Variants in CEP131 observed in about 807,000 individuals in gnomAD.
CEP131 encodes centrosomal protein 131.
Under a neutral mutation model 136.8 loss-of-function variants are expected in CEP131, and 99 were observed. That is an observed-to-expected ratio of 0.72 (90% CI 0.62 to 0.86). The LOEUF is 0.86. Ranked by LOEUF, CEP131 falls within the 40% of genes least tolerant of loss-of-function variation. The pLI, the probability that CEP131 is intolerant of heterozygous loss-of-function variation, is 0.00. For missense variants in CEP131, 1,459 were observed against 1,463.0 expected, an observed-to-expected ratio of 1.00 and a Z score of 0.04; for synonymous variants, 646 against 612.7, an observed-to-expected ratio of 1.05 and a Z score of -0.80.
chr17:81,190,834 G>A (rs1243104759), intron 23 of CEP131, 32 bp from the exon 24 acceptor site: 1 of 1,590,850 alleles, frequency 6.3e-7, no homozygotes, highest in Non-Finnish European at 8.6e-7. Flanking sequence ...TGAGCCGGCT[G>A]CCAGCGACTG....
At position 81,195,898 on chromosome 17, in the gene CEP131, C is replaced by G. The variant is rs1409866609; in HGVS notation, c.1953G>C (p.Glu651Asp). Reference protein sequence around the residue: ...LSEKCEAVVAELKQEDQRCTE... With the variant: ...LSEKCEAVVADLKQEDQRCTE... ...TGCATCTCTGGTCCTCCTGCTTCAG[C>G]TCGGCCACCACAGCCTCGCACTTTT... is the stretch of plus-strand genomic sequence containing the variant. The change falls in exon 16 of 26, where the codon GAG (glutamate) becomes GAC (aspartate). Residue 651 changes from glutamate to aspartate, a missense_variant. Around this residue, in one of 3 missense-constraint regions of CEP131, gnomAD observed 1,026 missense variants for 964.2 expected, o/e 1.06. Coordinates refer to ENST00000450824, the MANE Select transcript of CEP131 (RefSeq NM_014984.4). The G allele has an allele frequency of 1.2e-6, 2 of 1,609,920 alleles. No individual in the cohort carries two copies. The highest frequency in any genetic ancestry group is 1.7e-6 in the Non-Finnish European group (2 of 1,179,946).
intron 17 of CEP131, among the ~76,000 whole-genome samples, chr17:81,194,603 G>T (rs560863423): frequency 6.6e-6 from 1 of 152,340 alleles, no homozygotes; most frequent in South Asian, 2.1e-4. Flanking sequence ...CAACCCTGAG[G>T]AAGTGAGGCA....
At chr17:81,202,167 C>CG in intron 7 of CEP131, 73 bp downstream of exon 7, 1 of 575,080 alleles carries the variant, frequency 1.7e-6, no homozygotes, top group Non-Finnish European at 2.7e-6. Flanking sequence ...GGTGTGAGCC[C>CG]CCCAGACCCT....
rs2061725345 is a variant in CEP131, at chr17:81,195,060, C to T, written c.2017-88G>A. ...GTGGGCACAGTCAGGGCCGGGCTTC[C>T]AGGTCCACCAGCACAAGGCCGGCAC... is the stretch of plus-strand genomic sequence containing the variant. On this transcript the variant is annotated intron_variant, in intron 16 of 25. Transcript: ENST00000450824. The T allele has an allele frequency of 7.3e-6, 7 of 956,632 alleles. No individual in the cohort carries two copies. In the East Asian group the frequency reaches 1.7e-4, roughly 23 times the overall value. 59.3% of individuals were successfully genotyped at this position (956,632 alleles called of 1,614,324 possible). A position where few individuals can be genotyped will look rare whatever the true frequency, so the allele number is the denominator to read the frequency against.
At chr17:81,210,396 C>T (rs1197799804) in intron 2 of CEP131, among the ~76,000 whole-genome samples, 2 of 152,098 alleles carry the variant, frequency 1.3e-5, no homozygotes, top group African/African-American at 4.8e-5. Context: ...ATGGTGAAAC[C>T]CCGTCTCTAC....
In CEP131 at chr17:81,189,787, G is replaced by T; in HGVS notation, c.3225C>A (p.Pro1075=). 1 of 1,607,020 alleles carries T rather than the reference G, an allele frequency of 6.2e-7. No homozygotes were observed. The highest frequency in any genetic ancestry group is 1.1e-5 in the South Asian group (1 of 90,592). Residue 1075 remains proline, a synonymous_variant, in exon 26 of 26, where the codon CCC becomes CCA. Coordinates refer to ENST00000450824, the MANE Select transcript of CEP131 (RefSeq NM_014984.4). ...TCCCTGGTCACTTGGTACTTGGCGT[G>T]GGCCTCCTGTGCTGCTCCAGCAGCT... ...LEELLEQHRR[P]TPSTK
chr17:81,221,527 G>A (rs962305598), intron 1 of CEP131, among the ~76,000 whole-genome samples: 3 of 152,132 alleles, frequency 2.0e-5, no homozygotes, highest in African/African-American at 7.2e-5. Flanking sequence ...CTCCCCTGCT[G>A]TGCCCCTTTG....
At chr17:81,197,930 C>A in intron 12 of CEP131, 42 bp from the exon 13 acceptor site, 1 of 1,589,796 alleles carries the variant, frequency 6.3e-7, no homozygotes, top group South Asian at 1.1e-5. Context: ...TCAGGGCAGC[C>A]TGAGGACTTG....
At position 81,196,778 on chromosome 17, in the gene CEP131, C is replaced by T. The variant is rs4613097; in HGVS notation, c.1822G>A (p.Ala608Thr). ...TGCCGCTGCAGCTGCCGGCTCAGCG[C>T]CTTCTCTGTCTCCTTGACCCGCCGG... The part of the protein sequence containing the change: ...TARRVKETEK[A>T]LSRQLQRQRE... Residue 608 changes from alanine (A) to threonine (T), a missense_variant, in exon 15 of 26, where the codon GCG (alanine) becomes ACG (threonine). This residue lies in a region of CEP131 where 1,026 missense variants were observed against 964.2 expected (regional missense o/e 1.06). Coordinates refer to ENST00000450824, the MANE Select transcript of CEP131 (RefSeq NM_014984.4). 93,849 of 1,587,566 alleles carry T rather than the reference C, an allele frequency of 0.059. 3,528 individuals are homozygous for T. Among genetic ancestry groups the T allele is most frequent in the African/African-American group, 0.14 (10,651 of 74,714 alleles).
In CEP131 at chr17:81,219,037, G is replaced by A. The variant is rs1184802599; in HGVS notation, c.177+843C>T. Among the ~76,000 whole-genome samples, 2 of 152,166 alleles carry A rather than the reference G, an allele frequency of 1.3e-5. No individual in the cohort carries two copies. The highest frequency in any genetic ancestry group is 2.9e-5 in the Non-Finnish European group (2 of 68,016). On this transcript the variant is annotated intron_variant, in intron 2 of 25. Coordinates refer to ENST00000450824, the MANE Select transcript of CEP131 (RefSeq NM_014984.4). The surrounding 1 kb of genome is among the most constrained non-coding windows in gnomAD (Gnocchi z 4.0). ...GGCTCTGCCCCAACCCCCACAGAGC[G>A]GCTCGATTCCTCCCTTGCCCCAAAG...
At chr17:81,206,015 C>A (rs2062001854) in intron 5 of CEP131, among the ~76,000 whole-genome samples, 1 of 152,148 alleles carries the variant, frequency 6.6e-6, no homozygotes, top group South Asian at 2.1e-4. Flanking sequence ...ACCATCCCGG[C>A]CAACATGGTG....
Position 81,199,838 on chromosome 17 carries a change from G to T in CEP131, c.907-3C>A. The T allele has an allele frequency of 6.2e-7, 1 of 1,610,196 alleles. No individual in the cohort carries two copies. The highest frequency in any genetic ancestry group is 8.5e-7 in the Non-Finnish European group (1 of 1,179,824). On this transcript the variant is annotated splice_polypyrimidine_tract_variant and splice_region_variant and intron_variant, in intron 8 of 25. Coordinates refer to ENST00000450824, the MANE Select transcript of CEP131 (RefSeq NM_014984.4). The stretch of plus-strand genomic sequence containing the variant: ...TCGCCTGACCGCTGCCGCTGCTCCT[G>T]CCAAAGAAGCCGGTGCCATGTGGCG...
In CEP131 at chr17:81,208,491, C is replaced by T. The variant is rs76036702; in HGVS notation, c.272+437G>A. Among the ~76,000 whole-genome samples, 5,297 of 152,256 alleles carry T rather than the reference C, an allele frequency of 0.035. 126 individuals carry two copies. The highest frequency in any genetic ancestry group is 0.068 in the African/African-American group (2,844 of 41,540). ...CCATTGAGGCAGCTCCTCCCCAGCC[C>T]GCTGGTTTGGAGGCCGCAAGGGACA... On this transcript the variant is annotated intron_variant, in intron 3 of 25. Transcript: ENST00000450824. The surrounding 1 kb of genome is among the most constrained non-coding windows in gnomAD (Gnocchi z 5.6).
Position 81,219,293 on chromosome 17 carries a change from TTTC to T in CEP131, c.177+584_177+586del, listed in dbSNP as rs2062330211. On this transcript the variant is annotated intron_variant, in intron 2 of 25. Transcript: ENST00000450824. The surrounding 1 kb of genome is among the most constrained non-coding windows in gnomAD (Gnocchi z 4.0). ...CCTCCCCACAGGTCAACCCCATTTC[TTTC>T]TTTTTTTTTTTTTTTTGAGATGGCA... 2.0e-5 allele frequency among the ~76,000 whole-genome samples: 1 copy of T among 49,424 alleles called. No individual in the cohort carries two copies. Among genetic ancestry groups the T allele is most frequent in the African/African-American group, 5.9e-5 (1 of 16,836 alleles). The allele number at this position is 49,424 out of a possible 152,430, so 32.4% of individuals were successfully genotyped here. A position where few individuals can be genotyped will look rare whatever the true frequency, so the allele number is the denominator to read the frequency against.
In CEP131 at chr17:81,195,005, C is replaced by T. The variant is rs780588009; in HGVS notation, c.2017-33G>A. On this transcript the variant is annotated intron_variant, in intron 16 of 25. Coordinates refer to ENST00000450824, the MANE Select transcript of CEP131 (RefSeq NM_014984.4). ...CAGAACAGGGCAGGAGGAAACGACA[C>T]GAAGGACACCCCCGTCCCTTTGCCA... 27 of 1,548,444 alleles carry T rather than the reference C, an allele frequency of 1.7e-5. No individual in the cohort carries two copies. The Middle Eastern group carries it at 5.1e-4, about 29-fold the overall frequency.
chr17:81,222,627 A>G, intron 1 of CEP131, 142 bp downstream of exon 1: 1 of 150,078 alleles, frequency 6.7e-6, no homozygotes, highest in Non-Finnish European at 1.5e-5. Context: ...TTGCGCGGGC[A>G]CCAGATCCCC....
In CEP131 at chr17:81,215,423, A is replaced by AT. The variant is rs1031714507; in HGVS notation, c.177+4456dup. Among the ~76,000 whole-genome samples, 4 of 151,264 alleles carry AT rather than the reference A, an allele frequency of 2.6e-5. No homozygotes were observed. Among genetic ancestry groups the AT allele is most frequent in the Non-Finnish European group, 4.4e-5 (3 of 67,800 alleles). On this transcript the variant is annotated intron_variant, in intron 2 of 25. Transcript: ENST00000450824. This position sits in a 1 kb window ranked among gnomAD's most constrained non-coding sequence, Gnocchi z 4.1. ...CCTTTCAAATTTTTTTATTTATTTA[A>AT]TTTTTTTTGAAATGGAGTCTCGCTG...
chr17:81,218,031 C>A (rs114122352), intron 2 of CEP131, among the ~76,000 whole-genome samples: 1 of 151,596 alleles, frequency 6.6e-6, no homozygotes, highest in East Asian at 1.9e-4. Context: ...CCCCCTCCCC[C>A]TCCCTCTTTC....
In CEP131 at chr17:81,190,625, C is replaced by A; in HGVS notation, c.3107+14G>T. 6.4e-7 allele frequency: 1 copy of A among 1,560,924 alleles called. No individual in the cohort carries two copies. Among genetic ancestry groups the A allele is most frequent in the Non-Finnish European group, 8.6e-7 (1 of 1,159,532 alleles). On this transcript the variant is annotated intron_variant, in intron 24 of 25. Coordinates refer to ENST00000450824, the MANE Select transcript of CEP131 (RefSeq NM_014984.4). ...CCCGCCTCCGTCTCCAGCCCTGCAGCCCCCGCCGCCCACCTCCGGTGCACC... is the reference window on the plus strand; with the variant it reads ...CCCGCCTCCGTCTCCAGCCCTGCAGACCCCGCCGCCCACCTCCGGTGCACC...
Sources: gnomAD v4.1 joint callset for allele counts (sites outside exome capture counted in the v4.1 genomes callset) on GRCh38, gnomAD v4.1.1 for gene constraint, gnomAD v4.1.1 regional missense constraint, Gnocchi (gnomAD v3.1) non-coding constraint, MANE v1.5 for transcripts, NCBI Gene and HGNC (gene_info 2026-07-23, HGNC 2026-07-21) for gene names.